RIF1: variants seen among roughly 807,000 people sequenced by gnomAD.
The protein encoded by RIF1 is telomere-associated protein RIF1.
A neutral mutation model predicts 247.1 loss-of-function variants in RIF1; 45 were observed. That is an observed-to-expected ratio of 0.18 (90% confidence interval 0.14 to 0.23). RIF1 has a LOEUF of 0.23. Among genes scored for constraint, RIF1 ranks in the 10% least tolerant of loss-of-function variants. The pLI, the probability that RIF1 is intolerant of heterozygous loss-of-function variation, is 1.00. For missense variants in RIF1, 2,967 were observed against 2,862.5 expected (o/e 1.04, Z -0.83); for synonymous variants, 1,087 against 978.8 (o/e 1.11, Z -2.06).
chr2:151,464,699 A>C lies in RIF1; in HGVS notation c.5179A>C (p.Arg1727=). Reference sequence around the variant, plus strand: ...CCAACACAAGAGAAGTAGGAGGGTGAGGAGATCTAAAGGTTGTGATTGCTG... The same window carrying C: ...CCAACACAAGAGAAGTAGGAGGGTGCGGAGATCTAAAGGTTGTGATTGCTG... ...ECQHKRSRRV[R]RSKGCDCCGE... is the part of the protein sequence containing the mutation. Residue 1727 remains arginine, a synonymous_variant, in exon 30 of 36, where the codon AGG becomes CGG. Transcript: ENST00000444746. The C allele has an allele frequency of 6.2e-7, 1 of 1,613,122 alleles. No homozygotes were observed. The highest frequency in any genetic ancestry group is 2.2e-5 in the East Asian group (1 of 44,858).
Position 151,435,570 on chromosome 2 carries a change from T to C in RIF1, c.1185T>C (p.Pro395=), listed in dbSNP as rs1691011091. 6.4e-7 allele frequency: 1 copy of C among 1,569,338 alleles called. No individual in the cohort carries two copies. Among genetic ancestry groups the C allele is most frequent in the Non-Finnish European group, 8.8e-7 (1 of 1,139,374 alleles). The change falls in exon 11 of 36, where the codon CCT becomes CCC. Residue 395 remains proline (P), a synonymous_variant. Transcript: ENST00000444746. ...ATSPGLNPMT[P]VHKGASSPYG... is the part of the protein sequence containing the mutation. ...CTCCAGGTTTAAATCCTATGACTCC[T>C]GTACACAAAGGTAAGAGGTAGATAT...
chr2:151,490,112 A>C (rs921926775), intron 9 of RIF1: 20 of 1,499,576 alleles, frequency 1.3e-5, no homozygotes, highest in Non-Finnish European at 1.8e-5. Context: ...TATAAGAAGA[A>C]AAATGGCTAG....
intron 23 of RIF1, 31 bp from the exon 24 acceptor site, chr2:151,457,730 T>C: frequency 6.7e-7 from 1 of 1,488,540 alleles, no homozygotes; most frequent in Middle Eastern, 1.8e-4. Context: ...ATTTAGTATA[T>C]GTTTTGCTTT....
intron 35 of RIF1, among the ~76,000 whole-genome samples, 182 bp from the exon 36 acceptor site, chr2:151,474,675 C>CATA (rs1574195086): frequency 6.6e-6 from 1 of 152,116 alleles, no homozygotes; most frequent in African/African-American, 2.4e-5. Flanking sequence ...GGCTCCATCT[C>CATA]ATAATAATAA....
In RIF1 at chr2:151,440,054, A is replaced by T. The variant is rs1248660111; in HGVS notation, c.1574A>T (p.Glu525Val). 1 of 1,589,644 alleles carries T rather than the reference A, an allele frequency of 6.3e-7. No homozygotes were observed. Among genetic ancestry groups the T allele is most frequent in the African/African-American group, 1.4e-5 (1 of 73,814 alleles). The change falls in exon 15 of 36, where the codon GAA becomes GTA. Residue 525 changes from glutamate (E) to valine (V), a missense_variant. Glu to Val is a moderately radical substitution (Grantham distance 121). Coordinates refer to ENST00000444746, the MANE Select transcript of RIF1 (RefSeq NM_018151.5). ...SGNKKEKPGS[E>V]VLTLLLKSLE... ...AACAAAAAAGAGAAACCAGGTTCTG[A>T]AGTTTTGACTCTCTTATTAAAGTCT...
chr2:151,417,441 A>G (rs2152120559), intron 6 of RIF1, among the ~76,000 whole-genome samples: 1 of 152,266 alleles, frequency 6.6e-6, no homozygotes, highest in South Asian at 2.1e-4. Flanking sequence ...AGATTATGTC[A>G]TGGTTCTCTG....
chr2:151,410,037 G>C lies in RIF1; in HGVS notation c.-11+4G>C, dbSNP rs1412245298. Reference sequence around the variant, plus strand: ...AACCCTGTCCTGATCTTCCTAGGTGGGATAAATATCGGGGTGACAGTGGTA... The same window carrying C: ...AACCCTGTCCTGATCTTCCTAGGTGCGATAAATATCGGGGTGACAGTGGTA... On this transcript the variant is annotated splice_donor_region_variant and intron_variant, in intron 1 of 35. Coordinates refer to ENST00000444746, the MANE Select transcript of RIF1 (RefSeq NM_018151.5). The C allele has an allele frequency of 1.4e-6, 1 of 702,834 alleles. No individual in the cohort carries two copies. Among genetic ancestry groups the C allele is most frequent in the Non-Finnish European group, 2.6e-6 (1 of 384,846 alleles). The allele number at this position is 702,834 out of a possible 1,614,324, so 43.5% of individuals were successfully genotyped here. A position where few individuals can be genotyped will look rare whatever the true frequency, so the allele number is the denominator to read the frequency against.
At chr2:151,497,426 A>C in intron 10 of RIF1, 4 of 979,730 alleles carry the variant, frequency 4.1e-6, no homozygotes, top group Non-Finnish European at 4.8e-6. Flanking sequence ...GATGAAATAA[A>C]AAATTGAAAT....
chr2:151,504,582 T>A (rs2067291481), intron 12 of RIF1, among the ~76,000 whole-genome samples: 1 of 152,168 alleles, frequency 6.6e-6, no homozygotes, highest in South Asian at 2.1e-4. Flanking sequence ...AAATATCAAG[T>A]ATCCTAAAGA....
At chr2:151,488,484 A>G (rs2053091849) in intron 9 of RIF1, among the ~76,000 whole-genome samples, 1 of 151,594 alleles carries the variant, frequency 6.6e-6, no homozygotes. Context: ...CTACCAAAAA[A>G]AAAAAAAAAA....
chr2:151,497,074 A>T (rs772282131), intron 10 of RIF1: 1 of 1,543,114 alleles, frequency 6.5e-7, no homozygotes. Flanking sequence ...ACCATGAGTA[A>T]CATTTCATTT....
intron 9 of RIF1, among the ~76,000 whole-genome samples, chr2:151,429,776 T>C (rs1167475489): frequency 1.3e-5 from 2 of 152,220 alleles, no homozygotes; most frequent in African/African-American, 4.8e-5. Context: ...CTTATCTTCT[T>C]ATTGTTCAAT....
intron 18 of RIF1, among the ~76,000 whole-genome samples, chr2:151,444,941 C>T (rs778379410): frequency 1.3e-5 from 2 of 152,150 alleles, no homozygotes; most frequent in African/African-American, 4.8e-5. Flanking sequence ...ATTGGTTTCT[C>T]CTGGAGCTCT....
intron 9 of RIF1, chr2:151,490,348 A>C (rs1336295232): frequency 1.3e-6 from 2 of 1,580,166 alleles, no homozygotes; most frequent in Middle Eastern, 1.7e-4. Context: ...TGGGACTGCC[A>C]AAATCAGCGC....
chr2:151,433,062 T>C lies in RIF1; in HGVS notation c.926-15T>C. ...CTTGGACGTCTCTTTAACTGTGTGCTTATTTTCTTTTAAGATATACTATGT... is the reference window on the plus strand; with the variant it reads ...CTTGGACGTCTCTTTAACTGTGTGCCTATTTTCTTTTAAGATATACTATGT... On this transcript the variant is annotated splice_polypyrimidine_tract_variant and intron_variant, in intron 9 of 35. Coordinates refer to ENST00000444746, the MANE Select transcript of RIF1 (RefSeq NM_018151.5). 6.2e-7 allele frequency: 1 copy of C among 1,601,830 alleles called. No homozygotes were observed. The highest frequency in any genetic ancestry group is 1.3e-5 in the African/African-American group (1 of 74,626).
the RIF1 span, chr2:151,519,871 G>C: frequency 4.1e-6 from 3 of 724,340 alleles, no homozygotes; most frequent in East Asian, 7.7e-5. Context: ...ATTGTACATA[G>C]AGTGATCATA....
chr2:151,445,507 TCCTTTATAATCAG>T (rs1235459730), intron 19 of RIF1, 62 bp downstream of exon 19: 1 of 855,280 alleles, frequency 1.2e-6, no homozygotes, highest in Non-Finnish European at 2.0e-6. Context: ...TATTATTTCA[TCCTTTATAATCAG>T]CTTCCACAAT....
chr2:151,527,730 T>C, the RIF1 span: 1 of 637,522 alleles, frequency 1.6e-6, no homozygotes, highest in Admixed American at 2.7e-5. Flanking sequence ...GAAATTTCTG[T>C]ACAATTTATG....
chr2:151,496,840 C>T (rs1434055574), intron 10 of RIF1: 16 of 1,338,252 alleles, frequency 1.2e-5, no homozygotes, highest in African/African-American at 1.0e-4. Flanking sequence ...AAGAAGTTCA[C>T]AAAATTTGTC....
Sources: gnomAD v4.1 joint callset for allele counts (sites outside exome capture counted in the v4.1 genomes callset) on GRCh38, gnomAD v4.1.1 for gene constraint, MANE v1.5 for transcripts, NCBI Gene and HGNC (gene_info 2026-07-23, HGNC 2026-07-21) for gene names.